The following SPIDR variants were observed in gnomAD, a reference collection of about 807,000 sequenced individuals.
SPIDR encodes scaffold protein involved in DNA repair, also known as DNA repair-scaffolding protein.
In SPIDR, 93 loss-of-function variants were observed where a neutral mutation model predicts 104.6. The observed-to-expected ratio is 0.89, with a 90% CI of 0.75 to 1.06. The LOEUF (loss-of-function observed/expected upper bound fraction) is 1.06, where lower values mean the gene tolerates loss of function less well. Ranked by LOEUF, SPIDR falls within the 50% of genes least tolerant of loss-of-function variation. The pLI is 0.00. For missense variants in SPIDR, 1,154 were observed against 1,111.2 expected (o/e 1.04, Z -0.55); for synonymous variants, 431 against 416.9 (o/e 1.03, Z -0.41).
At chr8:47,652,262 A>G (rs987792605) in intron 10 of SPIDR, among the ~76,000 whole-genome samples, 8 of 152,180 alleles carry the variant, frequency 5.3e-5, no homozygotes, top group Non-Finnish European at 4.4e-5. Flanking sequence ...AGAGTGACAT[A>G]CGCTCCCAGC....
At chr8:47,565,994 T>TATA (rs1358462620) in intron 8 of SPIDR, among the ~76,000 whole-genome samples, 3 of 25,944 alleles carry the variant, frequency 1.2e-4, no homozygotes, top group African/African-American at 2.0e-4. Flanking sequence ...ATATATATAT[T>TATA]TTTTTTTTTT....
intron 5 of SPIDR, among the ~76,000 whole-genome samples, chr8:47,392,478 GT>G (rs538558036): frequency 9.8e-5 from 15 of 152,352 alleles, no homozygotes; most frequent in African/African-American, 3.1e-4. Flanking sequence ...TTATACTGCT[GT>G]AGCAGCTAAC....
At position 47,361,030 on chromosome 8, in the gene SPIDR, A is replaced by G. The variant is rs1386255054; in HGVS notation, c.526-35346A>G. The G allele has an allele frequency of 3.2e-6, 3 of 951,628 alleles. No individual in the cohort carries two copies. In the African/African-American group the frequency reaches 5.3e-5, roughly 17 times the overall value. 58.9% of individuals were successfully genotyped at this position (951,628 alleles called of 1,614,324 possible). A position where few individuals can be genotyped will look rare whatever the true frequency, so the allele number is the denominator to read the frequency against. On this transcript the variant is annotated intron_variant, in intron 5 of 19. Coordinates refer to ENST00000297423, the MANE Select transcript of SPIDR (RefSeq NM_001080394.4). ...TTAAAAATAAATAAGTGATGCTGAT[A>G]AAAGTGTAAAAAATGTTCAACTGAT...
chr8:47,434,463 T>C (rs1470009874), intron 7 of SPIDR, among the ~76,000 whole-genome samples: 1 of 152,188 alleles, frequency 6.6e-6, no homozygotes, highest in Non-Finnish European at 1.5e-5. Context: ...GCTAGCCTTT[T>C]GGGATATCTC....
At position 47,464,155 on chromosome 8, in the gene SPIDR, C is replaced by G. The variant is rs530638827; in HGVS notation, c.1097+23613C>G. Reference sequence around the variant, plus strand: ...ACACACACACACACACACACACACACAGAGCACGTTAGTAAATTGAGGAAA... The same window carrying G: ...ACACACACACACACACACACACACAGAGAGCACGTTAGTAAATTGAGGAAA... On this transcript the variant is annotated intron_variant, in intron 8 of 19. Transcript: ENST00000297423. Among the ~76,000 whole-genome samples, 417 of 135,612 alleles carry G rather than the reference C, an allele frequency of 3.1e-3. 1 individual carries two copies. The highest frequency in any genetic ancestry group is 0.011 in the African/African-American group (405 of 36,706). The allele number at this position is 135,612 out of a possible 152,430, so 89.0% of individuals were successfully genotyped here.
At chr8:47,554,758 C>T (rs914336744) in intron 8 of SPIDR, among the ~76,000 whole-genome samples, 5 of 152,140 alleles carry the variant, frequency 3.3e-5, no homozygotes, top group Non-Finnish European at 5.9e-5. Context: ...ACCCACTGTC[C>T]GACAAGCCCC....
intron 8 of SPIDR, among the ~76,000 whole-genome samples, chr8:47,574,493 C>T (rs1217239339): frequency 6.6e-6 from 1 of 152,062 alleles, no homozygotes; most frequent in Non-Finnish European, 1.5e-5. Flanking sequence ...TGTGGTGGCT[C>T]ACGCCTGTAA....
At chr8:47,264,943 G>C (rs1554545473) in intron 1 of SPIDR, among the ~76,000 whole-genome samples, 1 of 152,134 alleles carries the variant, frequency 6.6e-6, no homozygotes, top group Admixed American at 6.6e-5. Context: ...TGAGGACAAA[G>C]ATATTGTACA....
At chr8:47,417,533 A>G (rs1431909125) in intron 7 of SPIDR, among the ~76,000 whole-genome samples, 1 of 152,176 alleles carries the variant, frequency 6.6e-6, no homozygotes, top group Non-Finnish European at 1.5e-5. Flanking sequence ...GCCCTTTGTC[A>G]GATGGGTAGA....
chr8:47,280,658 C>G (rs1316877042), intron 2 of SPIDR, among the ~76,000 whole-genome samples: 1 of 152,104 alleles, frequency 6.6e-6, no homozygotes, highest in Admixed American at 6.6e-5. Flanking sequence ...CTCCAAAGTG[C>G]TGGGATTACA....
chr8:47,658,063 A>T (rs1440258008), intron 10 of SPIDR, among the ~76,000 whole-genome samples: 1 of 149,930 alleles, frequency 6.7e-6, no homozygotes, highest in Non-Finnish European at 1.5e-5. Flanking sequence ...AAAGAAAAAG[A>T]AAAAAAAAGG....
chr8:47,709,550 ACAGGCGTGAG>A (rs2081554755), intron 14 of SPIDR, among the ~76,000 whole-genome samples: 4 of 152,232 alleles, frequency 2.6e-5, no homozygotes, highest in African/African-American at 9.6e-5. Context: ...TGCTGGGATT[ACAGGCGTGAG>A]CCACCATGCC....
intron 8 of SPIDR, among the ~76,000 whole-genome samples, chr8:47,496,588 G>A (rs2079477624): frequency 6.6e-6 from 1 of 151,870 alleles, no homozygotes; most frequent in African/African-American, 2.4e-5. Flanking sequence ...TGCTGGATTT[G>A]GTTTGCTCAC....
chr8:47,569,997 A>G lies in SPIDR; in HGVS notation c.1098-25814A>G, dbSNP rs572225102. 2.9e-3 allele frequency among the ~76,000 whole-genome samples: 437 copies of G among 152,318 alleles called. 1 individual carries two copies. The highest frequency in any genetic ancestry group is 0.01 in the African/African-American group (416 of 41,574). On this transcript the variant is annotated intron_variant, in intron 8 of 19. Transcript: ENST00000297423. Reference sequence around the variant, plus strand: ...AGAGATTAATAGGGTTAAGAAGGCAATACTCACCAAATTGATCTGTAGATT... The same window carrying G: ...AGAGATTAATAGGGTTAAGAAGGCAGTACTCACCAAATTGATCTGTAGATT...
chr8:47,703,372 A>G (rs528179017), intron 14 of SPIDR, among the ~76,000 whole-genome samples: 4 of 152,376 alleles, frequency 2.6e-5, no homozygotes, highest in African/African-American at 7.2e-5. Flanking sequence ...TGAATTGCAT[A>G]TATACGAGTA....
At chr8:47,381,679 G>C (rs977746448) in intron 5 of SPIDR, among the ~76,000 whole-genome samples, 1 of 152,218 alleles carries the variant, frequency 6.6e-6, no homozygotes, top group Admixed American at 6.5e-5. Context: ...AGAAACCAGC[G>C]ATTGGCAGGA....
chr8:47,303,028 T>C, intron 5 of SPIDR, among the ~76,000 whole-genome samples: 1 of 152,344 alleles, frequency 6.6e-6, no homozygotes, highest in Middle Eastern at 3.4e-3. Context: ...TGTTTGGTTA[T>C]GCCCTGCCCC....
At chr8:47,279,056 A>G (rs1390064513) in intron 1 of SPIDR, among the ~76,000 whole-genome samples, 1 of 150,724 alleles carries the variant, frequency 6.6e-6, no homozygotes, top group Non-Finnish European at 1.5e-5. Context: ...CCAGCTCACT[A>G]AAAAGTTTTT....
chr8:47,401,042 A>G (rs2061812330), intron 6 of SPIDR, among the ~76,000 whole-genome samples: 1 of 152,126 alleles, frequency 6.6e-6, no homozygotes, highest in Admixed American at 6.5e-5. Context: ...TGTCACATTC[A>G]TCAAGGTTGA....
Sources: allele counts gnomAD v4.1 joint callset (sites outside exome capture counted in the v4.1 genomes callset), GRCh38; gene constraint gnomAD v4.1.1; transcripts MANE v1.5; gene names NCBI Gene and HGNC (gene_info 2026-07-23, HGNC 2026-07-21).